BCKDHB: variants seen among roughly 807,000 people sequenced by gnomAD.
BCKDHB encodes branched chain keto acid dehydrogenase E1 subunit beta, also known as 2-oxoisovalerate dehydrogenase subunit beta, mitochondrial.
Under a neutral mutation model 48.5 loss-of-function variants are expected in BCKDHB, and 41 were observed. The ratio of observed to expected loss-of-function variants is 0.85; its 90% confidence interval spans 0.66 to 1.10. The LOEUF (loss-of-function observed/expected upper bound fraction) is 1.10. BCKDHB is among the 50% of genes least tolerant of loss of function. The pLI is 0.00. For synonymous variants in BCKDHB, 201 were observed against 174.8 expected, an observed-to-expected ratio of 1.15 and a Z score of -1.18; for missense variants, 496 against 494.2, an observed-to-expected ratio of 1.00 and a Z score of -0.03.
At chr6:80,442,731 C>G in the BCKDHB span, among the ~76,000 whole-genome samples, 1 of 152,212 alleles carries the variant, frequency 6.6e-6, no homozygotes, top group East Asian at 1.9e-4. Context: ...GGGAGAGTAT[C>G]TTTGGGATAC....
chr6:80,161,341 A>G (rs1772308593), intron 3 of BCKDHB, among the ~76,000 whole-genome samples: 1 of 152,180 alleles, frequency 6.6e-6, no homozygotes, highest in African/African-American at 2.4e-5. Context: ...TATGACATAC[A>G]CACTATTTAA....
chr6:80,447,957 A>T, the BCKDHB span, among the ~76,000 whole-genome samples: 1 of 152,196 alleles, frequency 6.6e-6, no homozygotes, highest in Non-Finnish European at 1.5e-5. Context: ...TGTGCCAAAC[A>T]TGGTAATAGA....
rs565862429 is a variant in BCKDHB at position 80,273,669 on chromosome 6, C to T, written c.1038+448C>T. 2.6e-5 allele frequency among the ~76,000 whole-genome samples: 4 copies of T among 151,982 alleles called. No homozygotes were observed. The South Asian group carries it at 6.2e-4, about 24-fold the overall frequency. On this transcript the variant is annotated intron_variant, in intron 9 of 9. Transcript: ENST00000320393. ...TTCTAAAAATGAATCTCTCAAAAGTCAATAATTTAAATTTAATAAGTAATT... is the reference window on the plus strand; with the variant it reads ...TTCTAAAAATGAATCTCTCAAAAGTTAATAATTTAAATTTAATAAGTAATT...
the BCKDHB span, among the ~76,000 whole-genome samples, chr6:80,426,339 T>C: frequency 6.6e-6 from 1 of 152,126 alleles, no homozygotes; most frequent in Non-Finnish European, 1.5e-5. Context: ...TCCTTTGCTC[T>C]TACCTTTATT....
chr6:80,367,773 T>C, the BCKDHB span, among the ~76,000 whole-genome samples: 1 of 152,224 alleles, frequency 6.6e-6, no homozygotes, highest in African/African-American at 2.4e-5. Context: ...CCATGCATTG[T>C]GAGTCCACTG....
At chr6:80,381,954 T>C in the BCKDHB span, among the ~76,000 whole-genome samples, 1 of 152,176 alleles carries the variant, frequency 6.6e-6, no homozygotes, top group African/African-American at 2.4e-5. Context: ...GAAAGTTTTC[T>C]ACATGTCATT....
chr6:80,234,826 G>A (rs1051598651), intron 8 of BCKDHB, among the ~76,000 whole-genome samples: 3 of 110,276 alleles, frequency 2.7e-5, no homozygotes, highest in African/African-American at 1.0e-4. Context: ...TGAAGACAAT[G>A]TTTTATATAT....
chr6:80,412,050 G>C, the BCKDHB span, among the ~76,000 whole-genome samples: 6 of 152,272 alleles, frequency 3.9e-5, 1 homozygote, highest in Admixed American at 3.9e-4. Flanking sequence ...AATCTCACTG[G>C]GAGCTGCAGA....
At chr6:80,304,841 A>G (rs1767773519) in intron 9 of BCKDHB, among the ~76,000 whole-genome samples, 1 of 152,166 alleles carries the variant, frequency 6.6e-6, no homozygotes, top group African/African-American at 2.4e-5. Context: ...ATGCAGAAAG[A>G]GCATTTAGTA....
intron 9 of BCKDHB, among the ~76,000 whole-genome samples, chr6:80,318,686 T>TAAAAA (rs756830332): frequency 2.6e-5 from 3 of 117,194 alleles, no homozygotes; most frequent in Non-Finnish European, 3.6e-5. Flanking sequence ...CTCTCTCTCT[T>TAAAAA]AAAAAAAAAA....
At chr6:80,434,860 C>T in the BCKDHB span, among the ~76,000 whole-genome samples, 1 of 152,198 alleles carries the variant, frequency 6.6e-6, no homozygotes. Flanking sequence ...GATTATTTCC[C>T]TGGCTTTGGG....
rs921986157 is a variant in BCKDHB at position 80,167,867 on chromosome 6, C to T, written c.477+56C>T. 5.7e-5 allele frequency: 88 copies of T among 1,544,550 alleles called. No homozygotes were observed. In the African/African-American group the frequency reaches 7.2e-4, roughly 13 times the overall value. ...ATTCATTGAAATATTCAAGTATTGC[C>T]GCTACCCTTCCACCCACCCTTACCT... On this transcript the variant is annotated intron_variant, in intron 4 of 9. Coordinates refer to ENST00000320393, the MANE Select transcript of BCKDHB (RefSeq NM_183050.4).
At chr6:80,300,820 C>T (rs2127990911) in intron 9 of BCKDHB, among the ~76,000 whole-genome samples, 1 of 152,282 alleles carries the variant, frequency 6.6e-6, no homozygotes, top group South Asian at 2.1e-4. Context: ...TCTCAGACCA[C>T]AGTGCAATAA....
At chr6:80,262,980 G>A (rs1390348899) in intron 8 of BCKDHB, among the ~76,000 whole-genome samples, 3 of 152,140 alleles carry the variant, frequency 2.0e-5, no homozygotes, top group African/African-American at 4.8e-5. Flanking sequence ...TGATATTTTT[G>A]TGCATTATGA....
the BCKDHB span, among the ~76,000 whole-genome samples, chr6:80,380,994 A>C: frequency 7.9e-5 from 12 of 151,838 alleles, no homozygotes; most frequent in African/African-American, 2.9e-4. Context: ...AAGAGAGGGG[A>C]TTTTAATTAT....
At chr6:80,429,390 T>G in the BCKDHB span, among the ~76,000 whole-genome samples, 1 of 152,190 alleles carries the variant, frequency 6.6e-6, no homozygotes, top group Non-Finnish European at 1.5e-5. Context: ...TTTATAATAG[T>G]TTTTTCCAAT....
chr6:80,111,565 C>A (rs1442825924), intron 1 of BCKDHB, among the ~76,000 whole-genome samples: 1 of 152,150 alleles, frequency 6.6e-6, no homozygotes, highest in East Asian at 1.9e-4. Context: ...GCCAAATCAA[C>A]CAAATTCCAA....
At chr6:80,383,965 C>A in the BCKDHB span, among the ~76,000 whole-genome samples, 513 of 151,992 alleles carry the variant, frequency 3.4e-3, 5 homozygotes, top group Non-Finnish European at 6.2e-3. Context: ...ACTTTTAAAC[C>A]ACCATTACTC....
At chr6:80,249,291 G>C (rs770716650) in intron 8 of BCKDHB, among the ~76,000 whole-genome samples, 5 of 151,924 alleles carry the variant, frequency 3.3e-5, no homozygotes, top group Non-Finnish European at 5.9e-5. Context: ...ACAGCATTTT[G>C]GGAGGAGCCA....
Sources: gnomAD v4.1 joint callset for allele counts (sites outside exome capture counted in the v4.1 genomes callset) on GRCh38, gnomAD v4.1.1 for gene constraint, MANE v1.5 for transcripts, NCBI Gene and HGNC (gene_info 2026-07-23, HGNC 2026-07-21) for gene names.